B3GNT3: variants seen among roughly 807,000 people sequenced by gnomAD.
B3GNT3 encodes N-acetyllactosaminide beta-1,3-N-acetylglucosaminyltransferase 3.
In B3GNT3, 7 loss-of-function variants were observed where a neutral mutation model predicts 11.6. That is an observed-to-expected ratio of 0.60 (90% CI 0.34 to 1.13). The LOEUF is 1.13. Among genes scored for constraint, B3GNT3 ranks in the 50% most tolerant of loss-of-function variants. B3GNT3 has a pLI of 0.03. For synonymous variants in B3GNT3, 201 were observed against 222.1 expected (o/e 0.90, Z 0.85); for missense variants, 400 against 507.4 (o/e 0.79, Z 2.03).
intron 1 of B3GNT3, among the ~76,000 whole-genome samples, chr19:17,797,064 C>T (rs570687099): frequency 6.6e-6 from 1 of 152,166 alleles, no homozygotes; most frequent in South Asian, 2.1e-4. Context: ...GGCTCCCACC[C>T]AACCTTTCTT....
chr19:17,796,377 G>A (rs577029468), intron 1 of B3GNT3, among the ~76,000 whole-genome samples: 29 of 152,316 alleles, frequency 1.9e-4, no homozygotes, highest in African/African-American at 7.0e-4. Flanking sequence ...TCAGGCATGA[G>A]CCACTATGCC....
At chr19:17,802,643 G>A (rs1298624027) in intron 1 of B3GNT3, among the ~76,000 whole-genome samples, 1 of 152,084 alleles carries the variant, frequency 6.6e-6, no homozygotes, top group Non-Finnish European at 1.5e-5. Context: ...CCTAGGTGGA[G>A]GCAGTGGCAG....
chr19:17,807,721 C>A, intron 1 of B3GNT3, 37 bp from the exon 2 acceptor site: 1 of 1,315,498 alleles, frequency 7.6e-7, no homozygotes, highest in Non-Finnish European at 1.0e-6. Flanking sequence ...AAGCGCTTTG[C>A]TCATGGCGAG....
chr19:17,813,324 C>T lies in B3GNT3; in HGVS notation c.*1202C>T, dbSNP rs2094183611. 6.6e-6 allele frequency among the ~76,000 whole-genome samples: 1 copy of T among 151,920 alleles called. No individual in the cohort carries two copies. The highest frequency in any genetic ancestry group is 2.1e-4 in the South Asian group (1 of 4,818). The stretch of plus-strand genomic sequence containing the variant: ...ACTCAGGCGTGGTGGTGCTCACATG[C>T]CTGTAGTCCCAGCTATACTTGGGAG... On this transcript the variant is annotated 3_prime_UTR_variant, in exon 3 of 3. Transcript: ENST00000318683.
chr19:17,801,675 A>T (rs1447489644), intron 1 of B3GNT3, among the ~76,000 whole-genome samples: 2 of 149,778 alleles, frequency 1.3e-5, no homozygotes, highest in Non-Finnish European at 3.0e-5. Context: ...GTAGAGACAG[A>T]GTCTCACCAT....
rs1474510734 is a variant in B3GNT3, at chr19:17,808,200, C to CA, written c.393_394insA (p.Arg132ThrfsTer80). 1 of 1,611,566 alleles carries CA rather than the reference C, an allele frequency of 6.2e-7. No individual in the cohort carries two copies. Among genetic ancestry groups the CA allele is most frequent in the Non-Finnish European group, 8.5e-7 (1 of 1,178,260 alleles). On this transcript the variant is annotated frameshift_variant, in exon 2 of 3. Transcript: ENST00000318683. LOFTEE classifies it high-confidence loss of function. ...GCGAGCTGCTGCGGCGCACGTGGGGCCGCGAGCGCAAGGTACGGGGTTTGC... is the reference window on the plus strand; with the variant it reads ...GCGAGCTGCTGCGGCGCACGTGGGGCACGCGAGCGCAAGGTACGGGGTTTGC...
Position 17,808,104 on chromosome 19 carries a change from C to A in B3GNT3, c.297C>A (p.Pro99=). 1 of 1,613,884 alleles carries A rather than the reference C, an allele frequency of 6.2e-7. No individual in the cohort carries two copies. Among genetic ancestry groups the A allele is most frequent in the Non-Finnish European group, 8.5e-7 (1 of 1,179,920 alleles). Residue 99 remains proline, a synonymous_variant, in exon 2 of 3, where the codon CCC becomes CCA. Coordinates refer to ENST00000318683, the MANE Select transcript of B3GNT3 (RefSeq NM_014256.4). ...ACTTTCCCCTGCTGCAGGACGTGCC[C>A]CCCTCTAAGTGCGCGCAGCCGGTCT... ...CRHFPLLQDV[P]PSKCAQPVFL...
chr19:17,796,898 C>A (rs2094160093), intron 1 of B3GNT3, among the ~76,000 whole-genome samples: 1 of 152,158 alleles, frequency 6.6e-6, no homozygotes, highest in Non-Finnish European at 1.5e-5. Context: ...AATTTGCTCA[C>A]TCCCCCAACC....
chr19:17,807,963 A>AGGCCCCCCCC lies in B3GNT3; in HGVS notation c.156_157insGGCCCCCCCC (p.Pro53GlyfsTer53). The AGGCCCCCCCC allele has an allele frequency of 5.7e-6, 7 of 1,223,198 alleles. No homozygotes were observed. Among genetic ancestry groups the AGGCCCCCCCC allele is most frequent in the Non-Finnish European group, 8.1e-6 (7 of 866,386 alleles). 75.8% of individuals were successfully genotyped at this position (1,223,198 alleles called of 1,614,324 possible). A position where few individuals can be genotyped will look rare whatever the true frequency, so the allele number is the denominator to read the frequency against. On this transcript the variant is annotated frameshift_variant, in exon 2 of 3. Coordinates refer to ENST00000318683, the MANE Select transcript of B3GNT3 (RefSeq NM_014256.4). LOFTEE classifies it high-confidence loss of function. ...CCGAGGCCCTGGCCTGGCCCACTCC[A>AGGCCCCCCCC]CCCACCCGCCCAGCCCCGGCCCCGT...
chr19:17,796,447 T>C (rs1297362829), intron 1 of B3GNT3, among the ~76,000 whole-genome samples: 7 of 152,154 alleles, frequency 4.6e-5, no homozygotes, highest in Non-Finnish European at 1.0e-4. Context: ...CCCCTCAACT[T>C]GGGCGGGGGA....
At chr19:17,802,845 T>A (rs1034312219) in intron 1 of B3GNT3, among the ~76,000 whole-genome samples, 2 of 151,180 alleles carry the variant, frequency 1.3e-5, no homozygotes, top group African/African-American at 4.9e-5. Flanking sequence ...ACTCAGCTAA[T>A]TTTTTTACTT....
Position 17,811,866 on chromosome 19 carries a change from A to G in B3GNT3, c.863A>G (p.His288Arg), listed in dbSNP as rs763075853. 6 of 1,614,012 alleles carry G rather than the reference A, an allele frequency of 3.7e-6. 1 individual carries two copies. The highest frequency in any genetic ancestry group is 4.2e-6 in the Non-Finnish European group (5 of 1,179,996). Residue 288 changes from histidine (H) to arginine (R), a missense_variant, in exon 3 of 3, where the codon CAT becomes CGT. By Grantham distance (29) the His-to-Arg change is conservative (BLOSUM62 0). Coordinates refer to ENST00000318683, the MANE Select transcript of B3GNT3 (RefSeq NM_014256.4). The surrounding 1 kb of genome is among the most constrained non-coding windows in gnomAD (Gnocchi z 4.1). Reference sequence around the variant, plus strand: ...GCCGCTGCCCTGCGCCGTGCTGCCCATGTCTTGGACATCTTCCCCATTGAT... The same window carrying G: ...GCCGCTGCCCTGCGCCGTGCTGCCCGTGTCTTGGACATCTTCCCCATTGAT... ...FTAAALRRAA[H>R]VLDIFPIDDV... is the part of the protein sequence containing the mutation.
intron 2 of B3GNT3, among the ~76,000 whole-genome samples, 182 bp downstream of exon 2, chr19:17,808,556 G>A (rs191745545): frequency 6.1e-4 from 93 of 152,256 alleles, no homozygotes; most frequent in Non-Finnish European, 9.4e-4. Flanking sequence ...GAGAGGCTAG[G>A]GGGAAGGGCA....
chr19:17,796,049 G>T (rs1299793871), intron 1 of B3GNT3, among the ~76,000 whole-genome samples: 1 of 152,026 alleles, frequency 6.6e-6, no homozygotes, highest in Non-Finnish European at 1.5e-5. Flanking sequence ...CAAGAATCCC[G>T]ACCATCTTTT....
At position 17,808,045 on chromosome 19, in the gene B3GNT3, G is replaced by T. The variant is rs2094175784; in HGVS notation, c.238G>T (p.Val80Phe). 4.3e-6 allele frequency: 6 copies of T among 1,409,564 alleles called. No individual in the cohort carries two copies. The South Asian group carries it at 5.7e-5, about 13-fold the overall frequency. 87.3% of individuals were successfully genotyped at this position (1,409,564 alleles called of 1,614,324 possible). Residue 80 changes from valine (V) to phenylalanine (F), a missense_variant, in exon 2 of 3, where the codon GTT becomes TTT. Coordinates refer to ENST00000318683, the MANE Select transcript of B3GNT3 (RefSeq NM_014256.4). ...GGACTTCGCCACGCAGCCGCAGCACGTTCAGAACTTCCTCCTGTACAGACA... is the reference window on the plus strand; with the variant it reads ...GGACTTCGCCACGCAGCCGCAGCACTTTCAGAACTTCCTCCTGTACAGACA... ...HPDFATQPQH[V>F]QNFLLYRHCR...
At chr19:17,799,833 C>G (rs921365614) in intron 1 of B3GNT3, among the ~76,000 whole-genome samples, 4 of 151,834 alleles carry the variant, frequency 2.6e-5, no homozygotes, top group Non-Finnish European at 5.9e-5. Context: ...GAAGAGCAAT[C>G]CAGAAGTAGC....
Position 17,807,986 on chromosome 19 carries a change from C to CCCCCCCGG in B3GNT3, c.179_180insCCCCCCGG (p.Cys61ProfsTer55). 1 of 1,585,574 alleles carries CCCCCCCGG rather than the reference C, an allele frequency of 6.3e-7. No homozygotes were observed. The highest frequency in any genetic ancestry group is 8.6e-7 in the Non-Finnish European group (1 of 1,156,384). The stretch of plus-strand genomic sequence containing the variant: ...CCACCCACCCGCCCAGCCCCGGCCC[C>CCCCCCCGG]GTGCCATGCCAACACCTCTATGGTC... On this transcript the variant is annotated frameshift_variant, in exon 2 of 3. Coordinates refer to ENST00000318683, the MANE Select transcript of B3GNT3 (RefSeq NM_014256.4). LOFTEE classifies it high-confidence loss of function.
At position 17,813,175 on chromosome 19, in the gene B3GNT3, C is replaced by T. The variant is rs2094183446; in HGVS notation, c.*1053C>T. The stretch of plus-strand genomic sequence containing the variant: ...CTCATTTTCCAGTAGAAAATATACA[C>T]TGGTAAAAACGGGGCATGGGGCCGT... On this transcript the variant is annotated 3_prime_UTR_variant, in exon 3 of 3. Coordinates refer to ENST00000318683, the MANE Select transcript of B3GNT3 (RefSeq NM_014256.4). The T allele has an allele frequency of 6.6e-6, 1 of 151,834 alleles. No homozygotes were observed. Among genetic ancestry groups the T allele is most frequent in the Non-Finnish European group, 1.5e-5 (1 of 67,978 alleles). The allele number at this position is 151,834 out of a possible 1,614,324, so 9.4% of individuals were successfully genotyped here.
intron 1 of B3GNT3, among the ~76,000 whole-genome samples, chr19:17,803,201 T>C (rs2094168526): frequency 6.6e-6 from 1 of 152,124 alleles, no homozygotes; most frequent in Non-Finnish European, 1.5e-5. Context: ...AGACAGAGTT[T>C]CACCATGTTG....
Sources: allele counts gnomAD v4.1 joint callset (sites outside exome capture counted in the v4.1 genomes callset), GRCh38; gene constraint gnomAD v4.1.1; non-coding constraint Gnocchi (gnomAD v3.1); transcripts MANE v1.5; gene names NCBI Gene and HGNC (gene_info 2026-07-23, HGNC 2026-07-21).